Variants in ADAMTSL1 observed in about 807,000 individuals in gnomAD.
ADAMTSL1 encodes the protein ADAMTS-like protein 1.
A neutral mutation model predicts 201.8 loss-of-function variants in ADAMTSL1; 126 were observed. That is an observed-to-expected ratio of 0.62 (90% confidence interval 0.54 to 0.72). The LOEUF is 0.72. ADAMTSL1 is among the 30% of genes least tolerant of loss of function. The pLI, the probability that ADAMTSL1 is intolerant of heterozygous loss-of-function variation, is 0.00. For synonymous variants in ADAMTSL1, 1,121 were observed against 903.4 expected (o/e 1.24, Z -4.32); for missense variants, 2,679 against 2,277.8 (o/e 1.18, Z -3.59).
At chr9:18,811,682 A>G (rs1444769292) in intron 20 of ADAMTSL1, among the ~76,000 whole-genome samples, 1 of 152,224 alleles carries the variant, frequency 6.6e-6, no homozygotes, top group Non-Finnish European at 1.5e-5. Context: ...TACAGGCTTC[A>G]ATTGAAACCT....
chr9:18,349,631 C>T (rs980418121), intron 2 of ADAMTSL1, among the ~76,000 whole-genome samples: 9 of 152,252 alleles, frequency 5.9e-5, no homozygotes, highest in African/African-American at 2.2e-4. Flanking sequence ...GTATCCTTTT[C>T]TAGTTTCCCT....
At chr9:18,047,253 A>G (rs1370428021) in intron 1 of ADAMTSL1, among the ~76,000 whole-genome samples, 2 of 152,188 alleles carry the variant, frequency 1.3e-5, no homozygotes, top group African/African-American at 4.8e-5. Context: ...TAGTTAATAA[A>G]CAGTGAAGTC....
chr9:18,384,702 C>A (rs186537395), intron 2 of ADAMTSL1, among the ~76,000 whole-genome samples: 1 of 152,138 alleles, frequency 6.6e-6, no homozygotes, highest in Non-Finnish European at 1.5e-5. Flanking sequence ...CTGGGTCAAA[C>A]CCAATAGGAT....
At chr9:18,402,176 G>T (rs939731522) in intron 2 of ADAMTSL1, among the ~76,000 whole-genome samples, 12 of 152,058 alleles carry the variant, frequency 7.9e-5, no homozygotes, top group African/African-American at 2.9e-4. Context: ...TTCCACACCT[G>T]CTTTGCTCGA....
intron 2 of ADAMTSL1, among the ~76,000 whole-genome samples, chr9:18,343,040 T>C (rs1403046766): frequency 6.6e-6 from 1 of 151,948 alleles, no homozygotes; most frequent in Non-Finnish European, 1.5e-5. Context: ...TTTTGTTTTT[T>C]TTTTGCCAAG....
intron 1 of ADAMTSL1, among the ~76,000 whole-genome samples, chr9:18,066,150 A>C (rs1432202308): frequency 6.6e-6 from 1 of 152,188 alleles, no homozygotes; most frequent in Non-Finnish European, 1.5e-5. Flanking sequence ...AATCTTGCAT[A>C]AATCCCGAAA....
intron 2 of ADAMTSL1, among the ~76,000 whole-genome samples, chr9:18,372,180 A>G (rs904554770): frequency 6.6e-6 from 1 of 152,206 alleles, no homozygotes; most frequent in Admixed American, 6.5e-5. Flanking sequence ...CACTTAAAAC[A>G]AGAGGGAATA....
At chr9:18,886,166 G>GTATGTGTATATATATATATATA (rs55916376) in intron 23 of ADAMTSL1, among the ~76,000 whole-genome samples, 1 of 37,136 alleles carries the variant, frequency 2.7e-5, no homozygotes, top group Non-Finnish European at 4.9e-5. Context: ...GTGTGTATGT[G>GTATGTGTATATATATATATATA]TATATATATA....
chr9:18,127,342 AAT>A (rs1433208953), intron 1 of ADAMTSL1, among the ~76,000 whole-genome samples: 4 of 152,166 alleles, frequency 2.6e-5, no homozygotes, highest in African/African-American at 4.8e-5. Context: ...TTTCTGATGT[AAT>A]GGTCATGTAA....
chr9:18,840,565 C>A (rs2131315550), intron 23 of ADAMTSL1, among the ~76,000 whole-genome samples: 1 of 152,244 alleles, frequency 6.6e-6, no homozygotes, highest in East Asian at 1.9e-4. Flanking sequence ...TTTTCCAATT[C>A]TGTGAAGAAA....
intron 2 of ADAMTSL1, among the ~76,000 whole-genome samples, chr9:18,258,127 T>A (rs1253579151): frequency 1.3e-5 from 2 of 152,198 alleles, no homozygotes; most frequent in Non-Finnish European, 1.5e-5. Flanking sequence ...AAATTTTATG[T>A]TATGTGTATT....
At chr9:17,936,301 T>A (rs1489008254) in intron 1 of ADAMTSL1, among the ~76,000 whole-genome samples, 1 of 152,150 alleles carries the variant, frequency 6.6e-6, no homozygotes, top group African/African-American at 2.4e-5. Flanking sequence ...ATCACTGTAG[T>A]CCATTTTTAA....
intron 20 of ADAMTSL1, among the ~76,000 whole-genome samples, chr9:18,809,682 G>A (rs992230403): frequency 2.0e-5 from 3 of 152,002 alleles, no homozygotes; most frequent in Non-Finnish European, 2.9e-5. Flanking sequence ...TCAGCTACTC[G>A]GGAGACTGAG....
At chr9:18,448,015 C>T (rs770812360) in intron 2 of ADAMTSL1, among the ~76,000 whole-genome samples, 11 of 151,800 alleles carry the variant, frequency 7.2e-5, no homozygotes, top group Non-Finnish European at 1.5e-4. Context: ...TGTGCGTGCT[C>T]GCTCTCGCTC....
intron 2 of ADAMTSL1, among the ~76,000 whole-genome samples, chr9:18,381,100 T>C (rs760971959): frequency 3.3e-5 from 5 of 152,216 alleles, no homozygotes; most frequent in Non-Finnish European, 7.3e-5. Context: ...TGAAATGCAC[T>C]TGAATGGGTG....
chr9:18,140,159 A>G (rs945648361), intron 1 of ADAMTSL1, among the ~76,000 whole-genome samples: 1 of 152,182 alleles, frequency 6.6e-6, no homozygotes, highest in Non-Finnish European at 1.5e-5. Flanking sequence ...AACCCATAAT[A>G]GGGAAGTTAG....
chr9:17,992,384 T>C (rs922707847), intron 1 of ADAMTSL1, among the ~76,000 whole-genome samples: 1 of 152,208 alleles, frequency 6.6e-6, no homozygotes, highest in Non-Finnish European at 1.5e-5. Flanking sequence ...TTCACATTGG[T>C]TAACTTTAGC....
At chr9:17,964,146 A>C (rs988463490) in intron 1 of ADAMTSL1, among the ~76,000 whole-genome samples, 1 of 152,172 alleles carries the variant, frequency 6.6e-6, no homozygotes, top group Non-Finnish European at 1.5e-5. Flanking sequence ...GTAACACACT[A>C]TACATAGAAA....
intron 1 of ADAMTSL1, among the ~76,000 whole-genome samples, chr9:17,960,845 A>G (rs938050056): frequency 2.1e-4 from 32 of 152,134 alleles, no homozygotes. Flanking sequence ...AGTGTCTGGC[A>G]TGTAGTAAAT....
Sources: allele counts gnomAD v4.1 joint callset (sites outside exome capture counted in the v4.1 genomes callset), GRCh38; gene constraint gnomAD v4.1.1; transcripts MANE v1.5; gene names NCBI Gene and HGNC (gene_info 2026-07-23, HGNC 2026-07-21).